Variants in TTC6 observed in about 807,000 individuals in gnomAD.
TTC6 encodes tetratricopeptide repeat domain 6.
In TTC6, 172 loss-of-function variants were observed where a neutral mutation model predicts 210.4. That is an observed-to-expected ratio of 0.82 (90% CI 0.72 to 0.93). The LOEUF is 0.93. Among genes scored for constraint, TTC6 ranks in the 40% least tolerant of loss-of-function variants. TTC6 has a pLI of 0.00. For missense variants in TTC6, 2,414 were observed against 2,318.1 expected, an observed-to-expected ratio of 1.04 and a Z score of -0.85; for synonymous variants, 804 against 819.6, an observed-to-expected ratio of 0.98 and a Z score of 0.32.
chr14:37,690,388 T>C (rs2095801368), intron 3 of TTC6, among the ~76,000 whole-genome samples: 1 of 151,728 alleles, frequency 6.6e-6, no homozygotes, highest in Non-Finnish European at 1.5e-5. Flanking sequence ...AGTCATAACA[T>C]TGAATGTGAA....
intron 1 of TTC6, among the ~76,000 whole-genome samples, chr14:37,601,116 A>G (rs922331907): frequency 2.6e-5 from 4 of 152,152 alleles, no homozygotes; most frequent in African/African-American, 9.7e-5. Context: ...TGCAGCAGCC[A>G]CCACTGGACA....
At chr14:37,787,052 C>T (rs2096069418) in intron 14 of TTC6, among the ~76,000 whole-genome samples, 1 of 152,082 alleles carries the variant, frequency 6.6e-6, no homozygotes, top group Admixed American at 6.5e-5. Flanking sequence ...GAAAAACCTC[C>T]TAAAACTTCT....
At chr14:37,684,908 A>G (rs923586919) in intron 3 of TTC6, among the ~76,000 whole-genome samples, 1 of 152,206 alleles carries the variant, frequency 6.6e-6, no homozygotes, top group Non-Finnish European at 1.5e-5. Flanking sequence ...GGTGTAATAA[A>G]GGAACAATGC....
At chr14:37,787,720 G>T in intron 15 of TTC6, 83 bp downstream of exon 17, 2 of 1,151,684 alleles carry the variant, frequency 1.7e-6, no homozygotes, top group African/African-American at 1.5e-5. Flanking sequence ...TGGTAATGTG[G>T]GTTCACTAAT....
intron 15 of TTC6, among the ~76,000 whole-genome samples, chr14:37,788,302 T>C (rs907853341): frequency 6.6e-6 from 1 of 152,092 alleles, no homozygotes; most frequent in Non-Finnish European, 1.5e-5. Flanking sequence ...TCCTGACTGA[T>C]GAAATCCAGC....
upstream of TTC6, among the ~76,000 whole-genome samples, chr14:37,619,509 A>G (rs1035040990): frequency 1.3e-5 from 2 of 152,238 alleles, no homozygotes; most frequent in African/African-American, 4.8e-5. Context: ...TTTTAAGTCC[A>G]TATGGATTTA....
intron 26 of TTC6, among the ~76,000 whole-genome samples, chr14:37,819,870 C>T (rs891452835): frequency 2.6e-5 from 4 of 152,202 alleles, no homozygotes; most frequent in African/African-American, 9.6e-5. Context: ...ACAAGCTCAG[C>T]ACATGATCCC....
At chr14:37,746,161 T>C (rs2095935339) in intron 10 of TTC6, among the ~76,000 whole-genome samples, 1 of 152,174 alleles carries the variant, frequency 6.6e-6, no homozygotes, top group African/African-American at 2.4e-5. Context: ...ATTTTACCAC[T>C]CCAGGGTTCT....
chr14:37,706,957 C>T (rs2095836729), intron 5 of TTC6, among the ~76,000 whole-genome samples: 1 of 151,708 alleles, frequency 6.6e-6, no homozygotes, highest in Non-Finnish European at 1.5e-5. Flanking sequence ...CATTTATTGT[C>T]CTATCAGATG....
chr14:37,714,707 C>G, exon 6 of TTC6: 4 of 1,535,566 alleles, frequency 2.6e-6, no homozygotes, highest in Non-Finnish European at 2.6e-6. Flanking sequence ...TGTCCATATT[C>G]CTCCGACACC....
chr14:37,749,731 A>G, exon 12 of TTC6: 1 of 1,440,844 alleles, frequency 6.9e-7, no homozygotes, highest in Non-Finnish European at 9.1e-7. Flanking sequence ...TCTTGGAACC[A>G]TTGTTTCTCA....
At chr14:37,616,134 G>A (rs564596058) in intron 2 of TTC6, among the ~76,000 whole-genome samples, 1 of 152,290 alleles carries the variant, frequency 6.6e-6, no homozygotes, top group South Asian at 2.1e-4. Flanking sequence ...GTGCTACTTT[G>A]AGTTTGTCCT....
chr14:37,832,327 CTCTTT>C (rs1211609165), intron 29 of TTC6, among the ~76,000 whole-genome samples: 6 of 63,196 alleles, frequency 9.5e-5, no homozygotes, highest in African/African-American at 1.5e-4. Flanking sequence ...TTTTCTTTCT[CTCTTT>C]TTTTTTTTTT....
chr14:37,805,031 C>T (rs2096115240), intron 21 of TTC6, among the ~76,000 whole-genome samples: 1 of 152,130 alleles, frequency 6.6e-6, no homozygotes, highest in Non-Finnish European at 1.5e-5. Flanking sequence ...CAACAATATT[C>T]TAAAGATTAA....
intron 6 of TTC6, among the ~76,000 whole-genome samples, chr14:37,721,822 C>T (rs1307845669): frequency 8.6e-5 from 12 of 140,194 alleles, no homozygotes; most frequent in Non-Finnish European, 1.4e-4. Flanking sequence ...TGTCTTGATT[C>T]ATGCTTTGGC....
At position 37,841,558 on chromosome 14, in the gene TTC6, T is replaced by C. The variant is rs757277452; in HGVS notation, c.5412T>C (p.Asp1804=). The stretch of plus-strand genomic sequence containing the variant: ...AGAAATATGAAGAAGCAAAAGAAGA[T>C]TTTGCAAATGTAATTGAAAGCTGTC... The change falls in exon 30 of 31, where the codon GAT becomes GAC. Residue 1804 remains aspartate, a synonymous_variant. Transcript: ENST00000553443. The C allele has an allele frequency of 6.2e-6, 10 of 1,607,202 alleles. No individual in the cohort carries two copies. In the South Asian group the frequency reaches 1.0e-4, roughly 16 times the overall value.
intron 1 of TTC6, among the ~76,000 whole-genome samples, chr14:37,626,867 G>A (rs914903767): frequency 6.6e-6 from 1 of 152,124 alleles, no homozygotes; most frequent in Non-Finnish European, 1.5e-5. Flanking sequence ...AAAACCTATG[G>A]CGCCACTCCC....
chr14:37,680,355 C>A (rs2095780540), intron 2 of TTC6, 94 bp downstream of exon 4: 1 of 789,276 alleles, frequency 1.3e-6, no homozygotes, highest in Non-Finnish European at 1.9e-6. Flanking sequence ...AAAAAAATTT[C>A]TCTGATGTAT....
At chr14:37,827,267 A>G (rs146805659) in exon 29 of TTC6, 16 of 1,613,328 alleles carry the variant, frequency 9.9e-6, no homozygotes, top group East Asian at 4.5e-5. Flanking sequence ...AACAGAATGC[A>G]ATGAAAGACT....
Sources: gnomAD v4.1 joint callset for allele counts (sites outside exome capture counted in the v4.1 genomes callset) on GRCh38, gnomAD v4.1.1 for gene constraint, MANE v1.5 for transcripts, NCBI Gene and HGNC (gene_info 2026-07-23, HGNC 2026-07-21) for gene names.